The following CDK14 variants were observed in gnomAD, a reference collection of about 807,000 sequenced individuals.
The protein encoded by CDK14 is cyclin-dependent kinase 14.
Under a neutral mutation model 60.7 loss-of-function variants are expected in CDK14, and 34 were observed. The observed-to-expected ratio is 0.56, with a 90% CI of 0.43 to 0.75. The LOEUF (loss-of-function observed/expected upper bound fraction) is 0.75, where lower values mean the gene tolerates loss of function less well. Among genes scored for constraint, CDK14 ranks in the 30% least tolerant of loss-of-function variants. The pLI is 0.00. For missense variants in CDK14, 482 were observed against 564.1 expected, an observed-to-expected ratio of 0.85 and a Z score of 1.47; for synonymous variants, 197 against 203.7, an observed-to-expected ratio of 0.97 and a Z score of 0.28.
At position 91,063,757 on chromosome 7, in the gene CDK14, C is replaced by T. The variant is rs1199497646; in HGVS notation, c.1106-15675C>T. Among the ~76,000 whole-genome samples, 3 of 152,146 alleles carry T rather than the reference C, an allele frequency of 2.0e-5. No homozygotes were observed. In the East Asian group the frequency reaches 5.8e-4, roughly 29 times the overall value. ...AAGGAGTAATGTAGGATAGATGAAGCATTTGCCCTCCCTGGAGTAATACTG... is the reference window on the plus strand; with the variant it reads ...AAGGAGTAATGTAGGATAGATGAAGTATTTGCCCTCCCTGGAGTAATACTG... On this transcript the variant is annotated intron_variant, in intron 11 of 14. Coordinates refer to ENST00000380050, the MANE Select transcript of CDK14 (RefSeq NM_001287135.2).
At chr7:90,865,442 A>G (rs921518092) in intron 6 of CDK14, among the ~76,000 whole-genome samples, 2 of 152,200 alleles carry the variant, frequency 1.3e-5, no homozygotes, top group Non-Finnish European at 2.9e-5. Flanking sequence ...AAGAAAAATT[A>G]AGGTTCTTAC....
chr7:91,133,490 G>T (rs1228988508), intron 14 of CDK14, among the ~76,000 whole-genome samples: 4 of 152,030 alleles, frequency 2.6e-5, no homozygotes, highest in Non-Finnish European at 5.9e-5. Context: ...AAATAAATAA[G>T]TAAATTAAAG....
intron 1 of CDK14, 129 bp downstream of exon 1, chr7:90,596,847 A>C: frequency 1.3e-6 from 1 of 745,964 alleles, no homozygotes; most frequent in Non-Finnish European, 2.3e-6. Flanking sequence ...GCGGGGATCG[A>C]GGGCACAGTG....
At chr7:91,108,382 A>G (rs115611008) in intron 12 of CDK14, among the ~76,000 whole-genome samples, 140 of 152,300 alleles carry the variant, frequency 9.2e-4, no homozygotes, top group African/African-American at 3.3e-3. Context: ...CCTTTCCTGA[A>G]ATCATGCAGT....
At chr7:91,080,638 A>G (rs1584028609) in intron 12 of CDK14, among the ~76,000 whole-genome samples, 2 of 152,168 alleles carry the variant, frequency 1.3e-5, no homozygotes, top group South Asian at 4.1e-4. Context: ...AAGTGCTTTT[A>G]TACACCAGAT....
intron 4 of CDK14, among the ~76,000 whole-genome samples, chr7:90,756,409 T>C (rs1804060494): frequency 6.6e-6 from 1 of 152,222 alleles, no homozygotes; most frequent in Non-Finnish European, 1.5e-5. Flanking sequence ...AGAAAGACTT[T>C]AAAAGTACCT....
At chr7:90,653,512 C>T (rs369372760) in intron 2 of CDK14, among the ~76,000 whole-genome samples, 15 of 151,954 alleles carry the variant, frequency 9.9e-5, no homozygotes, top group South Asian at 6.3e-4. Flanking sequence ...TTTCCAGCAC[C>T]GAGAGGGGTA....
intron 13 of CDK14, among the ~76,000 whole-genome samples, chr7:91,114,065 A>T (rs1562910129): frequency 1.3e-5 from 2 of 152,202 alleles, no homozygotes; most frequent in Non-Finnish European, 2.9e-5. Flanking sequence ...TATACTGAAA[A>T]CAAAAATGCT....
At chr7:91,114,778 G>T (rs1799559683) in intron 13 of CDK14, among the ~76,000 whole-genome samples, 1 of 152,146 alleles carries the variant, frequency 6.6e-6, no homozygotes, top group Non-Finnish European at 1.5e-5. Flanking sequence ...CCAGTTGCAA[G>T]AAAGGACAAT....
chr7:90,790,522 C>G, intron 4 of CDK14, 51 bp from the exon 5 acceptor site: 1 of 1,209,458 alleles, frequency 8.3e-7, no homozygotes, highest in Admixed American at 2.0e-5. Context: ...ACAATTAGAA[C>G]TATAATGGGC....
chr7:90,730,169 C>T (rs765397683), intron 3 of CDK14, among the ~76,000 whole-genome samples: 26 of 152,158 alleles, frequency 1.7e-4, no homozygotes, highest in African/African-American at 5.1e-4. Flanking sequence ...TCCATGTCCG[C>T]GCAGAGGACA....
intron 2 of CDK14, among the ~76,000 whole-genome samples, chr7:90,654,964 C>T (rs1021277888): frequency 1.3e-5 from 2 of 152,176 alleles, no homozygotes; most frequent in Non-Finnish European, 2.9e-5. Flanking sequence ...AAAAAATTCC[C>T]TGTGCTTCAC....
At chr7:91,175,288 T>C (rs1466393075) in intron 14 of CDK14, among the ~76,000 whole-genome samples, 2 of 152,074 alleles carry the variant, frequency 1.3e-5, no homozygotes, top group Non-Finnish European at 2.9e-5. Context: ...AGGCCTGCCT[T>C]ACAAGAGCTC....
chr7:90,958,993 C>T (rs1168857899), intron 9 of CDK14, among the ~76,000 whole-genome samples: 1 of 152,078 alleles, frequency 6.6e-6, no homozygotes, highest in African/African-American at 2.4e-5. Flanking sequence ...AGGTGTAGCT[C>T]AGTATTTGAT....
chr7:90,947,515 A>G (rs1040995610), intron 8 of CDK14, among the ~76,000 whole-genome samples: 1 of 152,238 alleles, frequency 6.6e-6, no homozygotes, highest in African/African-American at 2.4e-5. Context: ...TTGTGTAACC[A>G]TTAAATGATA....
chr7:90,859,774 G>T (rs1033972872), intron 5 of CDK14, among the ~76,000 whole-genome samples: 2 of 152,052 alleles, frequency 1.3e-5, no homozygotes, highest in African/African-American at 2.4e-5. Context: ...CACTCTTGGT[G>T]TTGTAAATCT....
intron 6 of CDK14, among the ~76,000 whole-genome samples, chr7:90,894,800 C>A (rs573953798): frequency 5.9e-5 from 9 of 152,214 alleles, no homozygotes; most frequent in Admixed American, 2.6e-4. Context: ...CACCACTATT[C>A]CACTTCTTTA....
At chr7:90,713,347 A>G (rs956512111) in intron 2 of CDK14, among the ~76,000 whole-genome samples, 2 of 152,046 alleles carry the variant, frequency 1.3e-5, no homozygotes, top group Non-Finnish European at 2.9e-5. Flanking sequence ...GGACCCAACC[A>G]TTTATAGAGG....
intron 12 of CDK14, among the ~76,000 whole-genome samples, chr7:91,092,176 T>G (rs1465101654): frequency 6.6e-6 from 1 of 152,188 alleles, no homozygotes; most frequent in East Asian, 1.9e-4. Context: ...ATAAATCATT[T>G]TATATAAACA....
Sources: gnomAD v4.1 joint callset for allele counts (sites outside exome capture counted in the v4.1 genomes callset) on GRCh38, gnomAD v4.1.1 for gene constraint, MANE v1.5 for transcripts, NCBI Gene and HGNC (gene_info 2026-07-23, HGNC 2026-07-21) for gene names.